CDH23: variants seen among roughly 807,000 people sequenced by gnomAD.
CDH23 encodes the protein cadherin related 23.
A neutral mutation model predicts 317.1 loss-of-function variants in CDH23; 189 were observed. The observed-to-expected ratio is 0.60, with a 90% CI of 0.53 to 0.67. The LOEUF is 0.67. Ranked by LOEUF, CDH23 falls within the 30% of genes least tolerant of loss-of-function variation. CDH23 has a pLI of 0.00. For synonymous variants in CDH23, 1,839 were observed against 1,876.8 expected, an observed-to-expected ratio of 0.98 and a Z score of 0.52; for missense variants, 4,401 against 4,592.4, an observed-to-expected ratio of 0.96 and a Z score of 1.20.
At chr10:71,769,086 C>T (rs568819772) in intron 38 of CDH23, among the ~76,000 whole-genome samples, 13 of 152,336 alleles carry the variant, frequency 8.5e-5, no homozygotes, top group African/African-American at 2.6e-4. Context: ...TGCCTGGCCA[C>T]GTCTACCACA....
intron 11 of CDH23, among the ~76,000 whole-genome samples, chr10:71,643,561 C>CG (rs920600963): frequency 6.6e-6 from 1 of 151,450 alleles, no homozygotes; most frequent in African/African-American, 2.4e-5. Flanking sequence ...GAGCCCTTGC[C>CG]CCCCCCTCAC....
chr10:71,798,923 C>A (rs1195068464), intron 50 of CDH23, among the ~76,000 whole-genome samples, 188 bp from the exon 51 acceptor site: 2 of 152,126 alleles, frequency 1.3e-5, no homozygotes, highest in Non-Finnish European at 2.9e-5. Context: ...GCTTTTTCAC[C>A]CTCCATAAGA....
intron 3 of CDH23, among the ~76,000 whole-genome samples, chr10:71,497,775 C>T (rs1356896341): frequency 5.9e-5 from 9 of 152,326 alleles, no homozygotes; most frequent in African/African-American, 2.2e-4. Context: ...GAGGCAGCTC[C>T]TCCACCTGCT....
chr10:71,793,771 T>A, intron 48 of CDH23, 131 bp downstream of exon 48: 6 of 699,310 alleles, frequency 8.6e-6, no homozygotes, highest in Non-Finnish European at 1.2e-5. Flanking sequence ...CCCCCTCCTC[T>A]GGAGGGAAAC....
At chr10:71,692,948 C>T (rs746479262) in intron 20 of CDH23, among the ~76,000 whole-genome samples, 12 of 152,204 alleles carry the variant, frequency 7.9e-5, no homozygotes, top group Admixed American at 2.0e-4. Flanking sequence ...AACGGCTCTG[C>T]ATGGAAGTCA....
chr10:71,440,148 T>C (rs1419325662), intron 2 of CDH23, among the ~76,000 whole-genome samples: 5 of 152,196 alleles, frequency 3.3e-5, no homozygotes, highest in African/African-American at 1.2e-4. Flanking sequence ...TGAGAAATAC[T>C]TGAGCTCTAA....
intron 6 of CDH23, among the ~76,000 whole-genome samples, chr10:71,548,504 G>A (rs890525944): frequency 3.3e-5 from 5 of 152,192 alleles, no homozygotes; most frequent in African/African-American, 7.2e-5. Flanking sequence ...ATCAGAGGTG[G>A]GCTGGGAAGA....
intron 14 of CDH23, among the ~76,000 whole-genome samples, chr10:71,659,147 CAG>C (rs995580584): frequency 3.3e-5 from 5 of 152,300 alleles, no homozygotes; most frequent in Admixed American, 2.6e-4. Context: ...GACAATCACT[CAG>C]AGAACACCAG....
intron 22 of CDH23, among the ~76,000 whole-genome samples, chr10:71,700,835 C>T (rs1464596029): frequency 6.6e-6 from 1 of 152,218 alleles, no homozygotes; most frequent in East Asian, 1.9e-4. Flanking sequence ...TCAGCCAGGG[C>T]AGCTCATCTG....
At chr10:71,734,781 C>T in intron 34 of CDH23, 123 bp downstream of exon 34, 1 of 577,094 alleles carries the variant, frequency 1.7e-6, no homozygotes, top group Non-Finnish European at 3.2e-6. Flanking sequence ...AGGCCTGCAG[C>T]AGGCCCCCTC....
chr10:71,640,122 G>C (rs1267087745), intron 11 of CDH23, among the ~76,000 whole-genome samples: 1 of 152,184 alleles, frequency 6.6e-6, no homozygotes, highest in Non-Finnish European at 1.5e-5. Context: ...TGTCCCGAAG[G>C]CTTGTCCCTC....
At chr10:71,485,728 G>A (rs548814612) in intron 3 of CDH23, among the ~76,000 whole-genome samples, 3 of 152,220 alleles carry the variant, frequency 2.0e-5, no homozygotes, top group Non-Finnish European at 4.4e-5. Context: ...TGGGATGGGC[G>A]TGGTTGCCAG....
At chr10:71,732,574 A>G in intron 32 of CDH23, 199 bp downstream of exon 32, 1 of 1,318,448 alleles carries the variant, frequency 7.6e-7, no homozygotes, top group South Asian at 1.5e-5. Flanking sequence ...TGGAGGCTGC[A>G]GTGAGCTGCG....
chr10:71,641,965 G>A (rs1001103575), intron 11 of CDH23, among the ~76,000 whole-genome samples: 8 of 152,114 alleles, frequency 5.3e-5, no homozygotes, highest in Admixed American at 3.9e-4. Context: ...GCATGGTGGT[G>A]TGCACCTGTA....
chr10:71,477,357 T>C (rs1483031428), intron 3 of CDH23, among the ~76,000 whole-genome samples: 2 of 152,126 alleles, frequency 1.3e-5, no homozygotes, highest in Non-Finnish European at 2.9e-5. Flanking sequence ...TTGGTAGAGA[T>C]GGGATTTCAC....
chr10:71,535,661 C>T (rs976340864), intron 6 of CDH23, among the ~76,000 whole-genome samples: 1 of 152,336 alleles, frequency 6.6e-6, no homozygotes, highest in South Asian at 2.1e-4. Flanking sequence ...TGAGTGTTCC[C>T]CAGGCCAGCG....
At chr10:71,808,346 C>T (rs1362858048) in intron 60 of CDH23, among the ~76,000 whole-genome samples, 1 of 152,212 alleles carries the variant, frequency 6.6e-6, no homozygotes, top group African/African-American at 2.4e-5. Context: ...TTCCATCCGT[C>T]CATCTGTCTC....
rs79464349 is a variant in CDH23 at position 71,677,590 on chromosome 10, A to G, written c.1649A>G (p.Asn550Ser). Residue 550 changes from asparagine (N) to serine (S), a missense_variant, in exon 16 of 70, where the codon AAT (asparagine) becomes AGT (serine). Around this residue, in one of 3 missense-constraint regions of CDH23, gnomAD observed 3,068 missense variants for 3,203.3 expected, o/e 0.96. Coordinates refer to ENST00000224721, the MANE Select transcript of CDH23 (RefSeq NM_022124.6). ...GAGACCACAGGCCGGGTCAGGATCAATGTGTTGGATGTCAACGACAACGTG... is the reference window on the plus strand; with the variant it reads ...GAGACCACAGGCCGGGTCAGGATCAGTGTGTTGGATGTCAACGACAACGTG... The part of the protein sequence containing the change: ...GEETTGRVRI[N>S]VLDVNDNVPT... 1 of 1,608,660 alleles carries G rather than the reference A, an allele frequency of 6.2e-7. No homozygotes were observed. The highest frequency in any genetic ancestry group is 1.3e-5 in the African/African-American group (1 of 74,952).
rs1864432305 is a variant in CDH23, at chr10:71,677,677, A to T, written c.1736A>T (p.Gln579Leu). The part of the protein sequence containing the change: ...ALRENEPSVT[Q>L]LVRLRATDED... ...CGGGAGAACGAGCCTTCTGTCACAC[A>T]GCTGGTGCGGCTCCGGGTAAGGTGC... The change falls in exon 16 of 70, where the codon CAG becomes CTG. Residue 579 changes from glutamine to leucine, a missense_variant. Transcript: ENST00000224721. The T allele has an allele frequency of 6.4e-7, 1 of 1,563,712 alleles. No individual in the cohort carries two copies. Among genetic ancestry groups the T allele is most frequent in the Non-Finnish European group, 8.7e-7 (1 of 1,154,284 alleles).
Sources: gnomAD v4.1 joint callset for allele counts (sites outside exome capture counted in the v4.1 genomes callset) on GRCh38, gnomAD v4.1.1 for gene constraint, gnomAD v4.1.1 regional missense constraint, MANE v1.5 for transcripts, NCBI Gene and HGNC (gene_info 2026-07-23, HGNC 2026-07-21) for gene names.